The following CFAP20DC variants were observed in gnomAD, a reference collection of about 807,000 sequenced individuals.
The protein encoded by CFAP20DC is CFAP20 domain containing, also known as protein CFAP20DC.
A neutral mutation model predicts 101.7 loss-of-function variants in CFAP20DC; 84 were observed. The ratio of observed to expected loss-of-function variants is 0.83; its 90% CI spans 0.69 to 0.99. CFAP20DC has a LOEUF of 0.99. Among genes scored for constraint, CFAP20DC ranks in the 50% least tolerant of loss-of-function variants. The pLI is 0.00. For missense variants in CFAP20DC, 1,007 were observed against 970.3 expected (o/e 1.04, Z -0.50); for synonymous variants, 359 against 351.2 (o/e 1.02, Z -0.25).
In CFAP20DC at chr3:58,795,782, T is replaced by A. The variant is rs1012776804; in HGVS notation, c.2237+10613A>T. On this transcript the variant is annotated intron_variant, in intron 15 of 16. Coordinates refer to ENST00000482387, the MANE Select transcript of CFAP20DC (RefSeq NM_001394063.1). The surrounding 1 kb of genome is among the most constrained non-coding windows in gnomAD (Gnocchi z 4.2). ...GGAATGGGTTTCATAAGTTTATAAT[T>A]TTCGAAAACATGACAATAACTGAAA... Among the ~76,000 whole-genome samples, 4 of 152,186 alleles carry A rather than the reference T, an allele frequency of 2.6e-5. No homozygotes were observed. Among genetic ancestry groups the A allele is most frequent in the African/African-American group, 7.2e-5 (3 of 41,444 alleles).
chr3:58,802,509 A>G (rs979803894), intron 15 of CFAP20DC, among the ~76,000 whole-genome samples: 11 of 152,230 alleles, frequency 7.2e-5, no homozygotes, highest in Non-Finnish European at 1.6e-4. Flanking sequence ...TGCTGTTTAA[A>G]TATCAGTTAG....
At chr3:58,837,245 ATT>A (rs1305389795) in intron 13 of CFAP20DC, among the ~76,000 whole-genome samples, 1 of 152,186 alleles carries the variant, frequency 6.6e-6, no homozygotes, top group Non-Finnish European at 1.5e-5. Context: ...CAAAAGATAT[ATT>A]CTTAATAGCT....
chr3:58,890,282 G>A (rs1195420593), intron 6 of CFAP20DC, among the ~76,000 whole-genome samples: 15 of 142,412 alleles, frequency 1.1e-4, no homozygotes, highest in Non-Finnish European at 1.4e-4. Flanking sequence ...CTCACCTCCC[G>A]GACGGGGCGG....
intron 15 of CFAP20DC, among the ~76,000 whole-genome samples, chr3:58,762,636 C>T (rs139044226): frequency 0.011 from 1,750 of 152,262 alleles, 38 homozygotes; most frequent in African/African-American, 0.039. Flanking sequence ...CTAGCCTTGA[C>T]GGTCTTTACA....
Position 58,861,553 on chromosome 3 carries a change from A to G in CFAP20DC, c.1593+2005T>C. 2 of 983,844 alleles carry G rather than the reference A, an allele frequency of 2.0e-6. No homozygotes were observed. The highest frequency in any genetic ancestry group is 2.4e-6 in the Non-Finnish European group (2 of 828,426). The allele number at this position is 983,844 out of a possible 1,614,324, so 60.9% of individuals were successfully genotyped here. On this transcript the variant is annotated intron_variant, in intron 12 of 16. Transcript: ENST00000482387. This position sits in a 1 kb window ranked among gnomAD's most constrained non-coding sequence, Gnocchi z 4.0. ...CCAAAAGTACAAAAGAAAAAATCCA[A>G]TTTTGTTAAGAAGGTATCATTACAC...
Position 58,883,785 on chromosome 3 carries a change from A to AT in CFAP20DC, c.715+759dup, listed in dbSNP as rs572700817. On this transcript the variant is annotated intron_variant, in intron 7 of 16. Transcript: ENST00000482387. ...AAATCAGAATCCCTGGGGCATAGAC[A>AT]TCAGAAAAAAAATTTTTGACATTAA... Among the ~76,000 whole-genome samples, 7 of 152,316 alleles carry AT rather than the reference A, an allele frequency of 4.6e-5. No individual in the cohort carries two copies. In the South Asian group the frequency reaches 1.0e-3, roughly 23 times the overall value.
At chr3:58,792,416 A>C (rs1289130908) in intron 15 of CFAP20DC, among the ~76,000 whole-genome samples, 2 of 152,142 alleles carry the variant, frequency 1.3e-5, no homozygotes, top group African/African-American at 4.8e-5. Flanking sequence ...CAAGCCTTAC[A>C]TTAGGTTTTG....
chr3:58,720,046 T>G (rs1347962947), intron 3 of CFAP20DC, among the ~76,000 whole-genome samples: 1 of 152,204 alleles, frequency 6.6e-6, no homozygotes, highest in Non-Finnish European at 1.5e-5. Context: ...AGAGGCCACC[T>G]TCCCTGTCTT....
intron 2 of CFAP20DC, 74 bp from the exon 3 acceptor site, chr3:59,046,396 G>T: frequency 3.3e-6 from 3 of 903,934 alleles, no homozygotes; most frequent in South Asian, 1.6e-5. Context: ...TGAAACTTCA[G>T]ATCTACAGGG....
chr3:58,952,750 C>G (rs2090262506), intron 4 of CFAP20DC, among the ~76,000 whole-genome samples: 1 of 151,966 alleles, frequency 6.6e-6, no homozygotes, highest in South Asian at 2.1e-4. Flanking sequence ...TGTAAGCACC[C>G]CAGGGAACTG....
chr3:58,892,745 G>A lies in CFAP20DC; in HGVS notation c.551-8036C>T, dbSNP rs773433486. On this transcript the variant is annotated intron_variant, in intron 6 of 16. Coordinates refer to ENST00000482387, the MANE Select transcript of CFAP20DC (RefSeq NM_001394063.1). The surrounding 1 kb of genome is among the most constrained non-coding windows in gnomAD (Gnocchi z 4.0). The stretch of plus-strand genomic sequence containing the variant: ...AAAAAGCTTTAGGCTGAGATGATGC[G>A]GTTTTCTAGATATAGGATCATGTCA... Among the ~76,000 whole-genome samples the A allele has an allele frequency of 4.6e-5, 7 of 152,088 alleles. No individual in the cohort carries two copies. Among genetic ancestry groups the A allele is most frequent in the Non-Finnish European group, 8.8e-5 (6 of 68,014 alleles).
chr3:58,770,353 C>T (rs1575597999), intron 15 of CFAP20DC, among the ~76,000 whole-genome samples: 1 of 152,056 alleles, frequency 6.6e-6, no homozygotes, highest in South Asian at 2.1e-4. Context: ...AGACTTTATG[C>T]GGGGTACTGA....
At chr3:58,917,411 C>G (rs1205336993) in intron 5 of CFAP20DC, among the ~76,000 whole-genome samples, 3 of 152,148 alleles carry the variant, frequency 2.0e-5, no homozygotes, top group Non-Finnish European at 4.4e-5. Flanking sequence ...AAATTAGTTA[C>G]ATTTGTTAGT....
chr3:58,945,194 G>A (rs2089180016), intron 4 of CFAP20DC, among the ~76,000 whole-genome samples: 1 of 152,158 alleles, frequency 6.6e-6, no homozygotes, highest in African/African-American at 2.4e-5. Context: ...ACATTCAGCA[G>A]AGTGCAGATT....
rs1181460038 is a variant in CFAP20DC at position 59,015,904 on chromosome 3, C to T, written c.278+23653G>A. On this transcript the variant is annotated intron_variant, in intron 4 of 16. Coordinates refer to ENST00000482387, the MANE Select transcript of CFAP20DC (RefSeq NM_001394063.1). The surrounding 1 kb of genome is among the most constrained non-coding windows in gnomAD (Gnocchi z 5.4). ...TGGGATTCTCTTTTGAAGCAATGGG[C>T]GAGGAACATATGGCCACATTTCCAT... Among the ~76,000 whole-genome samples the T allele has an allele frequency of 4.6e-5, 7 of 152,002 alleles. No individual in the cohort carries two copies. The highest frequency in any genetic ancestry group is 2.0e-4 in the Admixed American group (3 of 15,254).
At chr3:58,719,651 T>C (rs543102214) in intron 3 of CFAP20DC, among the ~76,000 whole-genome samples, 1 of 152,282 alleles carries the variant, frequency 6.6e-6, no homozygotes, top group African/African-American at 2.4e-5. Flanking sequence ...CCTCTTGAAA[T>C]GTCATTATAA....
chr3:58,830,501 C>T (rs1004106918), intron 14 of CFAP20DC, among the ~76,000 whole-genome samples: 2 of 151,744 alleles, frequency 1.3e-5, no homozygotes, highest in African/African-American at 2.4e-5. Context: ...GGTGCCAGGG[C>T]CTCTGAGATT....
chr3:58,984,652 G>A (rs1241864877), intron 4 of CFAP20DC, among the ~76,000 whole-genome samples: 1 of 152,084 alleles, frequency 6.6e-6, no homozygotes, highest in African/African-American at 2.4e-5. Flanking sequence ...AATATAAGGA[G>A]AGTCCCATGG....
intron 16 of CFAP20DC, among the ~76,000 whole-genome samples, chr3:58,751,046 A>G (rs1397144028): frequency 6.6e-6 from 1 of 152,118 alleles, no homozygotes; most frequent in Non-Finnish European, 1.5e-5. Context: ...TTGTAATAAA[A>G]AAAAGGACGA....
Sources: allele counts gnomAD v4.1 joint callset (sites outside exome capture counted in the v4.1 genomes callset), GRCh38; gene constraint gnomAD v4.1.1; non-coding constraint Gnocchi (gnomAD v3.1); transcripts MANE v1.5; gene names NCBI Gene and HGNC (gene_info 2026-07-23, HGNC 2026-07-21).